The following MICAL3 variants were observed in gnomAD, a reference collection of about 807,000 sequenced individuals.
MICAL3 encodes the protein [F-actin]-monooxygenase MICAL3.
A neutral mutation model predicts 207.4 loss-of-function variants in MICAL3; 62 were observed. The ratio of observed to expected loss-of-function variants is 0.30; its 90% CI spans 0.24 to 0.37. The LOEUF (loss-of-function observed/expected upper bound fraction) is 0.37. Ranked by LOEUF, MICAL3 falls within the 10% of genes least tolerant of loss-of-function variation. MICAL3 has a pLI of 1.00. For missense variants in MICAL3, 2,368 were observed against 2,635.6 expected (o/e 0.90, Z 2.22); for synonymous variants, 1,077 against 1,069.3 (o/e 1.01, Z -0.14).
chr22:17,821,404 C>A, intron 25 of MICAL3, 23 bp downstream of exon 25: 2 of 1,537,480 alleles, frequency 1.3e-6, no homozygotes, highest in Non-Finnish European at 1.8e-6. Flanking sequence ...CTCTGTACCC[C>A]ACAGCGAGCC....
chr22:17,791,079 G>A lies in MICAL3; in HGVS notation c.5751-8C>T, dbSNP rs1228444004. On this transcript the variant is annotated splice_region_variant and splice_polypyrimidine_tract_variant and intron_variant, in intron 30 of 31. Coordinates refer to ENST00000441493, the MANE Select transcript of MICAL3 (RefSeq NM_015241.3). Reference sequence around the variant, plus strand: ...AGCTCCAGCTCCCGGGCACTGAGGAGGCAGGGCAGGAGGGAGACAAGCCAC... The same window carrying A: ...AGCTCCAGCTCCCGGGCACTGAGGAAGCAGGGCAGGAGGGAGACAAGCCAC... The A allele has an allele frequency of 1.9e-6, 3 of 1,610,752 alleles. No individual in the cohort carries two copies. The highest frequency in any genetic ancestry group is 4.5e-5 in the East Asian group (2 of 44,824).
At chr22:17,824,663 G>T (rs1298994691) in intron 22 of MICAL3, among the ~76,000 whole-genome samples, 1 of 152,220 alleles carries the variant, frequency 6.6e-6, no homozygotes, top group Non-Finnish European at 1.5e-5. Flanking sequence ...CTAGCTGACA[G>T]TTAGGGCCAT....
At chr22:17,897,194 G>A (rs977153949) in intron 7 of MICAL3, among the ~76,000 whole-genome samples, 1 of 151,986 alleles carries the variant, frequency 6.6e-6, no homozygotes, top group Non-Finnish European at 1.5e-5. Flanking sequence ...AGGCTGAGGC[G>A]GGCAGATCAC....
At chr22:17,801,449 G>A (rs953757540) in intron 29 of MICAL3, among the ~76,000 whole-genome samples, 7 of 149,532 alleles carry the variant, frequency 4.7e-5, no homozygotes, top group Non-Finnish European at 8.9e-5. Context: ...CACCGCGCCC[G>A]GCCTCCTGAG....
chr22:18,018,964 G>A (rs1924256250), intron 1 of MICAL3, among the ~76,000 whole-genome samples: 1 of 152,142 alleles, frequency 6.6e-6, no homozygotes, highest in African/African-American at 2.4e-5. Flanking sequence ...GGCCGAGGAG[G>A]GTGGATCACT....
intron 17 of MICAL3, among the ~76,000 whole-genome samples, chr22:17,867,332 T>A (rs1040119271): frequency 1.3e-5 from 2 of 152,240 alleles, no homozygotes; most frequent in African/African-American, 4.8e-5. Context: ...TCTTACCGCC[T>A]GTTTCTCCAC....
chr22:17,902,948 T>C lies in MICAL3; in HGVS notation c.473-201A>G, dbSNP rs542592923. Reference sequence around the variant, plus strand: ...CAAATATAACCCAGTGGAAGAGCTGTTCTAGAGCAACACACAGGACACTCC... The same window carrying C: ...CAAATATAACCCAGTGGAAGAGCTGCTCTAGAGCAACACACAGGACACTCC... On this transcript the variant is annotated intron_variant, in intron 3 of 31. Transcript: ENST00000441493. This position sits in a 1 kb window ranked among gnomAD's most constrained non-coding sequence, Gnocchi z 4.5. 5.9e-5 allele frequency among the ~76,000 whole-genome samples: 9 copies of C among 152,222 alleles called. No homozygotes were observed. The highest frequency in any genetic ancestry group is 1.2e-4 in the Non-Finnish European group (8 of 68,044).
At chr22:17,831,798 G>A (rs1922838776) in intron 21 of MICAL3, 56 bp downstream of exon 21, 1 of 1,526,680 alleles carries the variant, frequency 6.6e-7, no homozygotes, top group Middle Eastern at 2.3e-4. Flanking sequence ...ACTCACGCAT[G>A]AAACAGATCA....
intron 16 of MICAL3, among the ~76,000 whole-genome samples, chr22:17,877,288 T>A (rs373509484): frequency 7.4e-5 from 4 of 54,172 alleles, no homozygotes; most frequent in African/African-American, 3.1e-4. Flanking sequence ...AGGGAGGTTA[T>A]GGAGGTTAGG....
At chr22:17,984,666 G>A (rs1404526581) in intron 1 of MICAL3, among the ~76,000 whole-genome samples, 1 of 151,936 alleles carries the variant, frequency 6.6e-6, no homozygotes, top group Non-Finnish European at 1.5e-5. Context: ...ACTTCATGAA[G>A]CTTCCATTTT....
At chr22:17,979,233 C>T (rs1194438691) in intron 1 of MICAL3, among the ~76,000 whole-genome samples, 1 of 151,168 alleles carries the variant, frequency 6.6e-6, no homozygotes, top group Admixed American at 6.6e-5. Flanking sequence ...AAAGGGCCTG[C>T]CATATAGTAG....
chr22:17,877,599 G>T (rs1190519819), intron 16 of MICAL3, among the ~76,000 whole-genome samples: 4 of 150,782 alleles, frequency 2.7e-5, no homozygotes, highest in African/African-American at 4.9e-5. Context: ...GGTTAGGGAG[G>T]TTATGGAGGA....
rs1265483496 is a variant in MICAL3, at chr22:17,801,088, G to T, written c.5650+7756C>A. On this transcript the variant is annotated intron_variant, in intron 29 of 31. Coordinates refer to ENST00000441493, the MANE Select transcript of MICAL3 (RefSeq NM_015241.3). ...GAGCTGATGAGCCCACCTTCAAAGGGTTATGAGTGTCAGTGGTGGGGCACT... is the reference window on the plus strand; with the variant it reads ...GAGCTGATGAGCCCACCTTCAAAGGTTTATGAGTGTCAGTGGTGGGGCACT... Among the ~76,000 whole-genome samples, 6 of 152,110 alleles carry T rather than the reference G, an allele frequency of 3.9e-5. No homozygotes were observed. In the East Asian group the frequency reaches 1.2e-3, roughly 30 times the overall value.
In MICAL3 at chr22:17,837,473, G is replaced by A. The variant is rs143217045; in HGVS notation, c.2801+4349C>T. ...TGGAAATGCTAAAGAACTTCAGCAC[G>A]TGGGCACTGCACCAGCTGCCTTTGC... On this transcript the variant is annotated intron_variant, in intron 20 of 31. Transcript: ENST00000441493. Among the ~76,000 whole-genome samples, 86 of 152,366 alleles carry A rather than the reference G, an allele frequency of 5.6e-4. No individual in the cohort carries two copies. In the East Asian group the frequency reaches 0.014, roughly 24 times the overall value.
At chr22:17,923,512 G>T (rs1932846750) in intron 1 of MICAL3, among the ~76,000 whole-genome samples, 1 of 152,214 alleles carries the variant, frequency 6.6e-6, no homozygotes, top group Non-Finnish European at 1.5e-5. Context: ...ATCTACCCTG[G>T]ACTAAGATGC....
Position 17,790,575 on chromosome 22 carries a change from T to G in MICAL3, c.*157A>C, listed in dbSNP as rs950726812. On this transcript the variant is annotated 3_prime_UTR_variant, in exon 32 of 32. Transcript: ENST00000441493. ...ACCACTGTCACCTGGGGCTCCCCAC[T>G]GCACGCGGGACTCGACCACTTTCCA... is the stretch of plus-strand genomic sequence containing the variant. 1.5e-5 allele frequency: 10 copies of G among 674,054 alleles called. No individual in the cohort carries two copies. The highest frequency in any genetic ancestry group is 1.5e-4 in the Admixed American group (5 of 34,120). The allele number at this position is 674,054 out of a possible 1,614,324, so 41.8% of individuals were successfully genotyped here. A position where few individuals can be genotyped will look rare whatever the true frequency, so the allele number is the denominator to read the frequency against.
intron 1 of MICAL3, among the ~76,000 whole-genome samples, chr22:17,925,279 A>C (rs930014136): frequency 2.0e-5 from 3 of 152,162 alleles, no homozygotes; most frequent in Admixed American, 1.3e-4. Flanking sequence ...CTGGCTCCCC[A>C]AAAACCACCA....
At chr22:17,803,389 G>A (rs1336431228) in intron 29 of MICAL3, among the ~76,000 whole-genome samples, 3 of 152,060 alleles carry the variant, frequency 2.0e-5, no homozygotes, top group South Asian at 2.1e-4. Flanking sequence ...GAAAATGGTC[G>A]GGCTGAGATC....
At chr22:17,965,640 C>T (rs941318924) in intron 1 of MICAL3, among the ~76,000 whole-genome samples, 4 of 152,304 alleles carry the variant, frequency 2.6e-5, no homozygotes, top group Middle Eastern at 3.4e-3. Context: ...AGAGAGGCTA[C>T]GTAACTTGCC....
Sources: gnomAD v4.1 joint callset for allele counts (sites outside exome capture counted in the v4.1 genomes callset) on GRCh38, gnomAD v4.1.1 for gene constraint, Gnocchi (gnomAD v3.1) non-coding constraint, MANE v1.5 for transcripts, NCBI Gene and HGNC (gene_info 2026-07-23, HGNC 2026-07-21) for gene names.